The following GCGR variants were observed in gnomAD, a reference collection of about 807,000 sequenced individuals.
The protein encoded by GCGR is glucagon receptor.
Under a neutral mutation model 56.1 loss-of-function variants are expected in GCGR, and 41 were observed. The ratio of observed to expected loss-of-function variants is 0.73; its 90% CI spans 0.57 to 0.95. The LOEUF is 0.95. Ranked by LOEUF, GCGR falls within the 40% of genes least tolerant of loss-of-function variation. The pLI is 0.00. For missense variants in GCGR, 595 were observed against 638.2 expected (o/e 0.93, Z 0.73); for synonymous variants, 278 against 271.1 (o/e 1.03, Z -0.25).
intron 1 of GCGR, among the ~76,000 whole-genome samples, chr17:81,805,548 CCATTGGGCACCTCGGGAACCCCCCA>C (rs1264235641): frequency 6.9e-6 from 1 of 145,458 alleles, no homozygotes; most frequent in South Asian, 2.1e-4. Flanking sequence ...GGGAACCCTC[CCATTGGGCACCTCGGGAACCCCCCA>C]CATTGGGCAC....
Position 81,811,023 on chromosome 17 carries a change from C to T in GCGR, c.285C>T (p.Phe95=), listed in dbSNP as rs750688545. The part of the protein sequence containing the change: ...LPWHHKVQHR[F]VFKRCGPDGQ... The stretch of plus-strand genomic sequence containing the variant: ...CCACACCCCCAGTGCAACACCGCTT[C>T]GTGTTCAAGAGATGCGGGCCCGACG... Residue 95 remains phenylalanine (F), a synonymous_variant, in exon 5 of 14, where the codon TTC becomes TTT. Transcript: ENST00000400723. This position sits in a 1 kb window ranked among gnomAD's most constrained non-coding sequence, Gnocchi z 5.8. The T allele has an allele frequency of 5.2e-6, 8 of 1,536,072 alleles. No individual in the cohort carries two copies. Among genetic ancestry groups the T allele is most frequent in the South Asian group, 2.4e-5 (2 of 84,066 alleles).
chr17:81,813,422 G>T lies in GCGR; in HGVS notation c.1219-52G>T, dbSNP rs1451701688. 1 of 1,493,360 alleles carries T rather than the reference G, an allele frequency of 6.7e-7. No individual in the cohort carries two copies. Among genetic ancestry groups the T allele is most frequent in the Non-Finnish European group, 9.0e-7 (1 of 1,112,194 alleles). 92.5% of individuals were successfully genotyped at this position (1,493,360 alleles called of 1,614,324 possible). A position where few individuals can be genotyped will look rare whatever the true frequency, so the allele number is the denominator to read the frequency against. The stretch of plus-strand genomic sequence containing the variant: ...GAGGCCCACAGCAGGTCCCGGTGGG[G>T]TGGAGAGGACAGGCAGGCCCTAGGA... On this transcript the variant is annotated intron_variant, in intron 13 of 13. Coordinates refer to ENST00000400723, the MANE Select transcript of GCGR (RefSeq NM_000160.5). This position sits in a 1 kb window ranked among gnomAD's most constrained non-coding sequence, Gnocchi z 5.3.
chr17:81,813,701 A>G lies in GCGR; in HGVS notation c.*12A>G. On this transcript the variant is annotated 3_prime_UTR_variant, in exon 14 of 14. Transcript: ENST00000400723. This position sits in a 1 kb window ranked among gnomAD's most constrained non-coding sequence, Gnocchi z 5.3. ...AGAGCCCCTTCTGAACCCTGCTGGG[A>G]CCCCAGCTAGGGCTGGACTCTGGCA... The G allele has an allele frequency of 6.5e-7, 1 of 1,532,660 alleles. No homozygotes were observed. The highest frequency in any genetic ancestry group is 2.0e-5 in the Admixed American group (1 of 50,940). The allele number at this position is 1,532,660 out of a possible 1,614,324, so 94.9% of individuals were successfully genotyped here.
chr17:81,808,836 C>A lies in GCGR; in HGVS notation c.-177-6C>A, dbSNP rs1023127797. On this transcript the variant is annotated splice_region_variant and splice_polypyrimidine_tract_variant and intron_variant, in intron 1 of 13. Coordinates refer to ENST00000400723, the MANE Select transcript of GCGR (RefSeq NM_000160.5). ...GCCCGGCCCCCAGCTCCCTCTTTAT[C>A]CCTAGGACCCTGAGGCTCAGAGGGG... 2.8e-6 allele frequency: 2 copies of A among 716,464 alleles called. No homozygotes were observed. Among genetic ancestry groups the A allele is most frequent in the African/African-American group, 1.8e-5 (1 of 56,958 alleles). The allele number at this position is 716,464 out of a possible 1,614,324, so 44.4% of individuals were successfully genotyped here.
Position 81,808,949 on chromosome 17 carries a change from C to A in GCGR, c.-70C>A, listed in dbSNP as rs7406228. 0.16 allele frequency: 236,695 copies of A among 1,519,992 alleles called. 19,699 individuals carry two copies. Among genetic ancestry groups the A allele is most frequent in the Admixed American group, 0.21 (10,558 of 50,948 alleles). The allele number at this position is 1,519,992 out of a possible 1,614,324, so 94.2% of individuals were successfully genotyped here. On this transcript the variant is annotated 5_prime_UTR_variant, in exon 2 of 14. Coordinates refer to ENST00000400723, the MANE Select transcript of GCGR (RefSeq NM_000160.5). ...GCTGCCCTCGGAGGAGCGTACACAC[C>A]CACCAGGACTGCATTGCCCCAGCTG...
Position 81,808,906 on chromosome 17 carries a change from C to G in GCGR, c.-113C>G. On this transcript the variant is annotated 5_prime_UTR_variant, in exon 2 of 14. Coordinates refer to ENST00000400723, the MANE Select transcript of GCGR (RefSeq NM_000160.5). ...CCCACTGGCCAGGACGCCCCAGGCT[C>G]TGCTGCTCTGCCACTCAGCTGCCCT... 7.5e-7 allele frequency: 1 copy of G among 1,335,326 alleles called. No individual in the cohort carries two copies. Among genetic ancestry groups the G allele is most frequent in the East Asian group, 2.5e-5 (1 of 39,980 alleles). 82.7% of individuals were successfully genotyped at this position (1,335,326 alleles called of 1,614,324 possible). A position where few individuals can be genotyped will look rare whatever the true frequency, so the allele number is the denominator to read the frequency against.
In GCGR at chr17:81,811,229, T is replaced by C. The variant is rs914778371; in HGVS notation, c.401T>C (p.Val134Ala). 7 of 1,536,030 alleles carry C rather than the reference T, an allele frequency of 4.6e-6. No homozygotes were observed. Among genetic ancestry groups the C allele is most frequent in the African/African-American group, 1.4e-5 (1 of 73,034 alleles). The change falls in exon 6 of 14, where the codon GTG becomes GCG. Residue 134 changes from valine (V) to alanine (A), a missense_variant. Transcript: ENST00000400723. The surrounding 1 kb of genome is among the most constrained non-coding windows in gnomAD (Gnocchi z 5.8). Reference sequence around the variant, plus strand: ...GGCCACTGTAACTCGCAGAAGGAGGTGGCCAAGATGTACAGCAGCTTCCAG... The same window carrying C: ...GGCCACTGTAACTCGCAGAAGGAGGCGGCCAAGATGTACAGCAGCTTCCAG... ...DGEEIEVQKE[V>A]AKMYSSFQVM... is the part of the protein sequence containing the mutation.
In GCGR at chr17:81,804,687, C is replaced by T. The variant is rs938208469; in HGVS notation, c.-178+438C>T. 6.6e-6 allele frequency among the ~76,000 whole-genome samples: 1 copy of T among 152,094 alleles called. No individual in the cohort carries two copies. Among genetic ancestry groups the T allele is most frequent in the African/African-American group, 2.4e-5 (1 of 41,432 alleles). Reference sequence around the variant, plus strand: ...GCTGTCTCCCCTCGGTGGGCTCCTGCCCCGAGGACTGCCCGGTGGCACCGG... The same window carrying T: ...GCTGTCTCCCCTCGGTGGGCTCCTGTCCCGAGGACTGCCCGGTGGCACCGG... On this transcript the variant is annotated intron_variant, in intron 1 of 13. Transcript: ENST00000400723. This position sits in a 1 kb window ranked among gnomAD's most constrained non-coding sequence, Gnocchi z 8.2.
rs1305456353 is a variant in GCGR at position 81,811,097 on chromosome 17, A to G, written c.359A>G (p.Gln120Arg). The G allele has an allele frequency of 6.5e-7, 1 of 1,536,116 alleles. No homozygotes were observed. The highest frequency in any genetic ancestry group is 2.4e-5 in the East Asian group (1 of 40,926). The part of the protein sequence containing the change: ...PRGQPWRDAS[Q>R]CQMDGEEIEV... ...GGGCAGCCTTGGCGTGATGCCTCCC[A>G]GTGCCAGATGGATGGCGAGGAGATT... is the stretch of plus-strand genomic sequence containing the variant. The change falls in exon 5 of 14, where the codon CAG becomes CGG. Residue 120 changes from glutamine to arginine, a missense_variant. Coordinates refer to ENST00000400723, the MANE Select transcript of GCGR (RefSeq NM_000160.5). This position sits in a 1 kb window ranked among gnomAD's most constrained non-coding sequence, Gnocchi z 5.8.
In GCGR at chr17:81,811,060, C is replaced by T. The variant is rs2038086031; in HGVS notation, c.322C>T (p.Arg108Cys). The change falls in exon 5 of 14, where the codon CGT becomes TGT. Residue 108 changes from arginine (R) to cysteine (C), a missense_variant. Transcript: ENST00000400723. The surrounding 1 kb of genome is among the most constrained non-coding windows in gnomAD (Gnocchi z 5.8). ...KRCGPDGQWVRGPRGQPWRDA... is the reference protein window; with the variant it reads ...KRCGPDGQWVCGPRGQPWRDA... Reference sequence around the variant, plus strand: ...ATGCGGGCCCGACGGTCAGTGGGTGCGTGGACCCCGGGGGCAGCCTTGGCG... The same window carrying T: ...ATGCGGGCCCGACGGTCAGTGGGTGTGTGGACCCCGGGGGCAGCCTTGGCG... 12 of 1,536,150 alleles carry T rather than the reference C, an allele frequency of 7.8e-6. No individual in the cohort carries two copies. Among genetic ancestry groups the T allele is most frequent in the Middle Eastern group, 1.7e-4 (1 of 5,990 alleles).
chr17:81,813,595 A>C lies in GCGR; in HGVS notation c.1340A>C (p.Glu447Ala). Residue 447 changes from glutamate to alanine, a missense_variant, in exon 14 of 14, where the codon GAG (glutamate) becomes GCG (alanine). Physicochemically the swap from Glu to Ala is moderately radical, Grantham distance 107. Coordinates refer to ENST00000400723, the MANE Select transcript of GCGR (RefSeq NM_000160.5). The surrounding 1 kb of genome is among the most constrained non-coding windows in gnomAD (Gnocchi z 5.3). ...CCCGGCCACGGCCCTCCCAGCAAGGAGCTGCAGTTTGGGAGGGGTGGTGGC... is the reference window on the plus strand; with the variant it reads ...CCCGGCCACGGCCCTCCCAGCAAGGCGCTGCAGTTTGGGAGGGGTGGTGGC... The part of the protein sequence containing the change: ...SSPGHGPPSK[E>A]LQFGRGGGSQ... 1.3e-6 allele frequency: 2 copies of C among 1,536,554 alleles called. No individual in the cohort carries two copies. The highest frequency in any genetic ancestry group is 1.7e-6 in the Non-Finnish European group (2 of 1,146,838).
intron 1 of GCGR, chr17:81,805,184 G>A (rs555909132): frequency 2.0e-5 from 3 of 152,398 alleles, no homozygotes; most frequent in African/African-American, 7.2e-5. Context: ...GAGCCCCGCT[G>A]CCTTCCTGGA....
intron 2 of GCGR, among the ~76,000 whole-genome samples, 157 bp from the exon 3 acceptor site, chr17:81,809,625 G>A (rs1032418490): frequency 6.8e-5 from 10 of 147,660 alleles, no homozygotes; most frequent in Admixed American, 4.0e-4. Flanking sequence ...CTGTCTGTCC[G>A]TCTGCCTGCC....
In GCGR at chr17:81,806,738, C is replaced by T. The variant is rs1425278219; in HGVS notation, c.-177-2104C>T. Among the ~76,000 whole-genome samples the T allele has an allele frequency of 2.0e-5, 3 of 152,098 alleles. No individual in the cohort carries two copies. The highest frequency in any genetic ancestry group is 7.2e-5 in the African/African-American group (3 of 41,416). On this transcript the variant is annotated intron_variant, in intron 1 of 13. Transcript: ENST00000400723. This position sits in a 1 kb window ranked among gnomAD's most constrained non-coding sequence, Gnocchi z 6.5. The stretch of plus-strand genomic sequence containing the variant: ...GGGCTCTAAGGGGCTGTCATTTTGC[C>T]CAGGGAGCTCCTGGCTGGGTGGTCC...
Position 81,811,498 on chromosome 17 carries a change from A to G in GCGR, c.595A>G (p.Arg199Gly). 6.5e-7 allele frequency: 1 copy of G among 1,536,610 alleles called. No individual in the cohort carries two copies. The highest frequency in any genetic ancestry group is 1.2e-5 in the South Asian group (1 of 84,066). ...SSVLVIDGLL[R>G]TRYSQKIGDD... The stretch of plus-strand genomic sequence containing the variant: ...CGTGCTGGTCATTGATGGGCTGCTC[A>G]GGACCCGCTACAGCCAGAAAATTGG... The change falls in exon 7 of 14, where the codon AGG becomes GGG. Residue 199 changes from arginine (R) to glycine (G), a missense_variant. Transcript: ENST00000400723. This position sits in a 1 kb window ranked among gnomAD's most constrained non-coding sequence, Gnocchi z 5.8.
In GCGR at chr17:81,813,587, C is replaced by T. The variant is rs2038151400; in HGVS notation, c.1332C>T (p.Pro444=). The change falls in exon 14 of 14, where the codon CCC becomes CCT. Residue 444 remains proline (P), a synonymous_variant. Coordinates refer to ENST00000400723, the MANE Select transcript of GCGR (RefSeq NM_000160.5). This position sits in a 1 kb window ranked among gnomAD's most constrained non-coding sequence, Gnocchi z 5.3. ...RASSSPGHGP[P]SKELQFGRGG... ...CATCTTCGCCCGGCCACGGCCCTCCCAGCAAGGAGCTGCAGTTTGGGAGGG... is the reference window on the plus strand; with the variant it reads ...CATCTTCGCCCGGCCACGGCCCTCCTAGCAAGGAGCTGCAGTTTGGGAGGG... 1 of 1,536,606 alleles carries T rather than the reference C, an allele frequency of 6.5e-7. No individual in the cohort carries two copies. The highest frequency in any genetic ancestry group is 8.7e-7 in the Non-Finnish European group (1 of 1,146,858).
At position 81,806,585 on chromosome 17, in the gene GCGR, G is replaced by A. The variant is rs962966699; in HGVS notation, c.-177-2257G>A. On this transcript the variant is annotated intron_variant, in intron 1 of 13. Coordinates refer to ENST00000400723, the MANE Select transcript of GCGR (RefSeq NM_000160.5). This position sits in a 1 kb window ranked among gnomAD's most constrained non-coding sequence, Gnocchi z 6.5. Reference sequence around the variant, plus strand: ...CGGCTGGAAGGTGGGGCCCTGGCACGCGAGGACCTCATGTGTGGAGGCACT... The same window carrying A: ...CGGCTGGAAGGTGGGGCCCTGGCACACGAGGACCTCATGTGTGGAGGCACT... 2.6e-5 allele frequency among the ~76,000 whole-genome samples: 4 copies of A among 152,166 alleles called. No individual in the cohort carries two copies. The highest frequency in any genetic ancestry group is 6.5e-5 in the Admixed American group (1 of 15,282).
At position 81,810,818 on chromosome 17, in the gene GCGR, C is replaced by T. The variant is rs2038077696; in HGVS notation, c.164-7C>T. The T allele has an allele frequency of 6.5e-7, 1 of 1,536,840 alleles. No homozygotes were observed. Among genetic ancestry groups the T allele is most frequent in the South Asian group, 1.2e-5 (1 of 84,062 alleles). On this transcript the variant is annotated splice_polypyrimidine_tract_variant and splice_region_variant and intron_variant, in intron 3 of 13. Transcript: ENST00000400723. This position sits in a 1 kb window ranked among gnomAD's most constrained non-coding sequence, Gnocchi z 4.6. ...CCTGCTCTGCCCTGCCCTACCCTAC[C>T]CTGCAGAGCTGGTGTGCAACAGAAC...
In GCGR at chr17:81,811,184, G is replaced by A. The variant is rs760976918; in HGVS notation, c.394-38G>A. ...GGGCTGGATGGGAACGGGCATGGGG[G>A]CCCCTGCCTGGCCCTCACAGGCCAC... On this transcript the variant is annotated intron_variant, in intron 5 of 13. Coordinates refer to ENST00000400723, the MANE Select transcript of GCGR (RefSeq NM_000160.5). This position sits in a 1 kb window ranked among gnomAD's most constrained non-coding sequence, Gnocchi z 5.8. 9.8e-6 allele frequency: 15 copies of A among 1,535,972 alleles called. No homozygotes were observed. The highest frequency in any genetic ancestry group is 3.9e-5 in the Admixed American group (2 of 50,988).
Sources: allele counts gnomAD v4.1 joint callset (sites outside exome capture counted in the v4.1 genomes callset), GRCh38; gene constraint gnomAD v4.1.1; non-coding constraint Gnocchi (gnomAD v3.1); transcripts MANE v1.5; gene names NCBI Gene and HGNC (gene_info 2026-07-23, HGNC 2026-07-21).